The following SH3BP2 variants were observed in gnomAD, a reference collection of about 807,000 sequenced individuals.
The protein encoded by SH3BP2 is SH3 domain-binding protein 2.
Under a neutral mutation model 56.2 loss-of-function variants are expected in SH3BP2, and 38 were observed. The ratio of observed to expected loss-of-function variants is 0.68; its 90% CI spans 0.52 to 0.89. The LOEUF (loss-of-function observed/expected upper bound fraction) is 0.89, where lower values mean the gene tolerates loss of function less well. SH3BP2 is among the 40% of genes least tolerant of loss of function. The pLI is 0.00. For synonymous variants in SH3BP2, 346 were observed against 316.7 expected (o/e 1.09, Z -0.98); for missense variants, 748 against 762.6 (o/e 0.98, Z 0.23).
intron 1 of SH3BP2, chr4:2,812,455 A>G: frequency 6.5e-7 from 1 of 1,550,184 alleles, no homozygotes; most frequent in South Asian, 1.2e-5. Context: ...ACGGAGGGCC[A>G]TGTGTTGGGT....
intron 1 of SH3BP2, chr4:2,818,931 T>A (rs1293502358): frequency 2.0e-6 from 2 of 981,816 alleles, no homozygotes; most frequent in Admixed American, 1.2e-4. Context: ...TTTCTTTTTA[T>A]TTATTTTGTT....
Position 2,810,249 on chromosome 4 carries a change from T to A in SH3BP2, c.-4-10365T>A, listed in dbSNP as rs1723690061. On this transcript the variant is annotated intron_variant, in intron 1 of 12. Coordinates refer to ENST00000503393, the MANE Select transcript of SH3BP2 (RefSeq NM_001122681.2). This position sits in a 1 kb window ranked among gnomAD's most constrained non-coding sequence, Gnocchi z 4.2. ...GGGAAGATAGGGTTGGGGAAGGGGC[T>A]GGTGTGGATTTGTCCCCCACCCCCA... Among the ~76,000 whole-genome samples, 1 of 151,828 alleles carries A rather than the reference T, an allele frequency of 6.6e-6. No individual in the cohort carries two copies. Among genetic ancestry groups the A allele is most frequent in the South Asian group, 2.1e-4 (1 of 4,826 alleles).
Position 2,827,618 on chromosome 4 carries a change from A to T in SH3BP2, c.530A>T (p.Asp177Val), listed in dbSNP as rs1276321604. ...YPTDNEDYEH[D>V]DEDDSYLEPD... is the part of the protein sequence containing the mutation. ...TCTCCCCATGCAGACTATGAGCACGACGATGAGGATGACTCCTACCTGGAG... is the reference window on the plus strand; with the variant it reads ...TCTCCCCATGCAGACTATGAGCACGTCGATGAGGATGACTCCTACCTGGAG... The change falls in exon 7 of 13, where the codon GAC (aspartate) becomes GTC (valine). Residue 177 changes from aspartate (D) to valine (V), a missense_variant. Around this residue, in one of 3 missense-constraint regions of SH3BP2, gnomAD observed 635 missense variants for 615.0 expected, o/e 1.03. Coordinates refer to ENST00000503393, the MANE Select transcript of SH3BP2 (RefSeq NM_001122681.2). 1 of 1,594,612 alleles carries T rather than the reference A, an allele frequency of 6.3e-7. No homozygotes were observed.
chr4:2,797,117 C>T lies in SH3BP2; in HGVS notation c.-5+3979C>T, dbSNP rs990441318. On this transcript the variant is annotated intron_variant, in intron 1 of 12. Coordinates refer to ENST00000503393, the MANE Select transcript of SH3BP2 (RefSeq NM_001122681.2). ...CCAGGGGTGTTGTAATCTAGTGATG[C>T]TCTTCTGTGGCATTTGAGGGTCCTG... Among the ~76,000 whole-genome samples the T allele has an allele frequency of 2.6e-5, 4 of 152,194 alleles. No homozygotes were observed. The South Asian group carries it at 8.3e-4, about 31-fold the overall frequency.
intron 1 of SH3BP2, among the ~76,000 whole-genome samples, chr4:2,801,302 G>A (rs1413138260): frequency 6.6e-6 from 1 of 152,244 alleles, no homozygotes; most frequent in Non-Finnish European, 1.5e-5. Context: ...CACGCTGAGG[G>A]TGAGGACAGG....
intron 2 of SH3BP2, among the ~76,000 whole-genome samples, chr4:2,822,514 C>T (rs1243942235): frequency 2.0e-5 from 3 of 152,218 alleles, no homozygotes; most frequent in Admixed American, 1.3e-4. Context: ...GGATCGCAGG[C>T]GTGAGCCACT....
chr4:2,820,821 C>T (rs1724263094), intron 2 of SH3BP2, 68 bp downstream of exon 2: 5 of 1,497,308 alleles, frequency 3.3e-6, no homozygotes, highest in African/African-American at 2.8e-5. Context: ...TGTAAGTAAG[C>T]ATCCTCTCCA....
At position 2,829,745 on chromosome 4, in the gene SH3BP2, C is replaced by G. The variant is rs1724873015; in HGVS notation, c.839C>G (p.Pro280Arg). The change falls in exon 8 of 13, where the codon CCC becomes CGC. Residue 280 changes from proline (P) to arginine (R), a missense_variant. Pro to Arg is a moderately radical substitution (Grantham distance 103). This residue lies in a region of SH3BP2 where 635 missense variants were observed against 615.0 expected (regional missense o/e 1.03). Coordinates refer to ENST00000503393, the MANE Select transcript of SH3BP2 (RefSeq NM_001122681.2). The surrounding 1 kb of genome is among the most constrained non-coding windows in gnomAD (Gnocchi z 4.9). ...GCTACCCCCCGAAGGATGAGCGATC[C>G]CCCTCTGAGCACCATGCCCACCGCA... ...VPATPRRMSD[P>R]PLSTMPTAPG... The G allele has an allele frequency of 3.1e-6, 5 of 1,612,806 alleles. No individual in the cohort carries two copies. The highest frequency in any genetic ancestry group is 1.6e-4 in the Middle Eastern group (1 of 6,084).
At chr4:2,807,042 G>A (rs888303491) in intron 1 of SH3BP2, among the ~76,000 whole-genome samples, 1 of 152,222 alleles carries the variant, frequency 6.6e-6, no homozygotes, top group African/African-American at 2.4e-5. Flanking sequence ...ACCCTGCACC[G>A]CTCTGTGAAG....
intron 1 of SH3BP2, among the ~76,000 whole-genome samples, chr4:2,814,217 G>C (rs1020780203): frequency 1.3e-5 from 2 of 152,246 alleles, no homozygotes; most frequent in Non-Finnish European, 2.9e-5. Flanking sequence ...CAGAGACACA[G>C]CGCACATGAG....
chr4:2,834,673 C>G lies in SH3BP2; in HGVS notation c.*839C>G, dbSNP rs1447717952. On this transcript the variant is annotated 3_prime_UTR_variant, in exon 13 of 13. Coordinates refer to ENST00000503393, the MANE Select transcript of SH3BP2 (RefSeq NM_001122681.2). ...TGCATACACTGAGCGGGCTACAGAG[C>G]TAGAAGGCCCTGCAGCTACAGCTGC... The G allele has an allele frequency of 1.3e-5, 2 of 152,296 alleles. No homozygotes were observed. Among genetic ancestry groups the G allele is most frequent in the Non-Finnish European group, 2.9e-5 (2 of 68,076 alleles). The allele number at this position is 152,296 out of a possible 1,614,324, so 9.4% of individuals were successfully genotyped here.
rs776527305 is a variant in SH3BP2, at chr4:2,832,350, C to A, written c.1426C>A (p.Pro476Thr). ...EVERLFKATS[P>T]RGEPQDGLYC... ...TTTTAGGTTGTTCAAGGCTACAAGC[C>A]CCCGGGGAGAGCCCCAGGATGGACT... The change falls in exon 11 of 13, where the codon CCC (proline) becomes ACC (threonine). Residue 476 changes from proline (P) to threonine (T), a missense_variant. Physicochemically the swap from Pro to Thr is conservative, Grantham distance 38. This residue lies in a region of SH3BP2 where 635 missense variants were observed against 615.0 expected (regional missense o/e 1.03). Coordinates refer to ENST00000503393, the MANE Select transcript of SH3BP2 (RefSeq NM_001122681.2). 4 of 1,614,020 alleles carry A rather than the reference C, an allele frequency of 2.5e-6. No individual in the cohort carries two copies. Among genetic ancestry groups the A allele is most frequent in the Non-Finnish European group, 3.4e-6 (4 of 1,179,888 alleles).
intron 1 of SH3BP2, among the ~76,000 whole-genome samples, chr4:2,801,020 G>T (rs1342501638): frequency 3.2e-5 from 4 of 124,186 alleles, no homozygotes; most frequent in Non-Finnish European, 7.6e-5. Flanking sequence ...GCTGTGGGCG[G>T]CCTGGCCTTG....
At position 2,822,425 on chromosome 4, in the gene SH3BP2, A is replaced by G. The variant is rs143584362; in HGVS notation, c.137-510A>G. On this transcript the variant is annotated intron_variant, in intron 2 of 12. Transcript: ENST00000503393. ...ACTCTTGTCACCCAGGCTGGAGTGC[A>G]GTAGCACGATCTTGGCTCACTGCAA... Among the ~76,000 whole-genome samples the G allele has an allele frequency of 9.7e-3, 1,483 of 152,276 alleles. 11 individuals are homozygous for G. The highest frequency in any genetic ancestry group is 0.016 in the Non-Finnish European group (1,112 of 68,014).
chr4:2,831,813 A>G lies in SH3BP2; in HGVS notation c.1351-110A>G, dbSNP rs1725002796. Reference sequence around the variant, plus strand: ...CGAGAACCCGGGAGCCTAGGGGGACACAGCACCATGTAAAGCCCCGGATCC... The same window carrying G: ...CGAGAACCCGGGAGCCTAGGGGGACGCAGCACCATGTAAAGCCCCGGATCC... On this transcript the variant is annotated intron_variant, in intron 9 of 12. Transcript: ENST00000503393. This position sits in a 1 kb window ranked among gnomAD's most constrained non-coding sequence, Gnocchi z 4.1. The G allele has an allele frequency of 2.2e-6, 3 of 1,392,804 alleles. No homozygotes were observed. In the African/African-American group the frequency reaches 4.3e-5, roughly 20 times the overall value. 86.3% of individuals were successfully genotyped at this position (1,392,804 alleles called of 1,614,324 possible).
chr4:2,825,034 C>A lies in SH3BP2; in HGVS notation c.358-92C>A, dbSNP rs548433420. 70 of 1,238,050 alleles carry A rather than the reference C, an allele frequency of 5.7e-5. No homozygotes were observed. In the Middle Eastern group the frequency reaches 9.7e-4, roughly 17 times the overall value. The allele number at this position is 1,238,050 out of a possible 1,614,324, so 76.7% of individuals were successfully genotyped here. A position where few individuals can be genotyped will look rare whatever the true frequency, so the allele number is the denominator to read the frequency against. On this transcript the variant is annotated intron_variant, in intron 4 of 12. Coordinates refer to ENST00000503393, the MANE Select transcript of SH3BP2 (RefSeq NM_001122681.2). ...GGTCGCCTCCTCTGACCTTGGGAGT[C>A]ACAGCAGAGCAGGCAGGGCAGTGAA... is the stretch of plus-strand genomic sequence containing the variant.
intron 11 of SH3BP2, 123 bp from the exon 12 acceptor site, chr4:2,832,867 G>C (rs114934748): frequency 1.0e-6 from 1 of 970,304 alleles, no homozygotes; most frequent in African/African-American, 1.6e-5. Context: ...GTCCCTCCCC[G>C]CCCCCCGAGG....
intron 1 of SH3BP2, among the ~76,000 whole-genome samples, chr4:2,819,300 G>A (rs1724172722): frequency 6.6e-6 from 1 of 152,230 alleles, no homozygotes; most frequent in African/African-American, 2.4e-5. Context: ...GACCACTGCA[G>A]CCTCAAACTC....
intron 1 of SH3BP2, chr4:2,812,405 C>T (rs776309262): frequency 6.4e-7 from 1 of 1,550,394 alleles, no homozygotes; most frequent in South Asian, 1.2e-5. Context: ...CGCATGGCCT[C>T]CCTGGGCCCC....
Sources: gnomAD v4.1 joint callset for allele counts (sites outside exome capture counted in the v4.1 genomes callset) on GRCh38, gnomAD v4.1.1 for gene constraint, gnomAD v4.1.1 regional missense constraint, Gnocchi (gnomAD v3.1) non-coding constraint, MANE v1.5 for transcripts, NCBI Gene and HGNC (gene_info 2026-07-23, HGNC 2026-07-21) for gene names.